CNTN6: variants seen among roughly 807,000 people sequenced by gnomAD.
CNTN6 encodes the protein contactin 6.
In CNTN6, 137 loss-of-function variants were observed where a neutral mutation model predicts 122.8. The ratio of observed to expected loss-of-function variants is 1.12; its 90% CI spans 0.97 to 1.29. The LOEUF is 1.29. Among genes scored for constraint, CNTN6 ranks in the 50% most tolerant of loss-of-function variants. CNTN6 has a pLI of 0.00. For synonymous variants in CNTN6, 570 were observed against 426.0 expected (o/e 1.34, Z -4.16); for missense variants, 1,634 against 1,223.4 (o/e 1.34, Z -5.01).
intron 2 of CNTN6, among the ~76,000 whole-genome samples, chr3:1,156,305 G>T (rs11925137): frequency 0.16 from 24,165 of 152,040 alleles, 2,953 homozygotes; most frequent in African/African-American, 0.32. Flanking sequence ...ATTTTCTCCT[G>T]AAACCTTGAT....
At chr3:1,380,662 A>AATGTCTCAGTCTGCTTT (rs1691726833) in intron 17 of CNTN6, among the ~76,000 whole-genome samples, 1 of 152,146 alleles carries the variant, frequency 6.6e-6, no homozygotes, top group Non-Finnish European at 1.5e-5. Flanking sequence ...CCTCTTTTCT[A>AATGTCTCAGTCTGCTTT]ATGTCTCAGT....
chr3:1,321,541 AGATT>A, intron 7 of CNTN6, 105 bp from the exon 8 acceptor site: 1 of 966,642 alleles, frequency 1.0e-6, no homozygotes, highest in Non-Finnish European at 1.6e-6. Context: ...ATAATACAAC[AGATT>A]GATAGAATAT....
chr3:1,228,276 G>C (rs184847865), intron 4 of CNTN6, among the ~76,000 whole-genome samples: 1 of 152,094 alleles, frequency 6.6e-6, no homozygotes, highest in Non-Finnish European at 1.5e-5. Flanking sequence ...TTAAGATAAA[G>C]ATGTATGATA....
At chr3:1,387,994 C>A (rs540951544) in intron 20 of CNTN6, among the ~76,000 whole-genome samples, 1 of 152,134 alleles carries the variant, frequency 6.6e-6, no homozygotes, top group Non-Finnish European at 1.5e-5. Context: ...GAGGGGCGCC[C>A]GCCATTGGCC....
At chr3:1,116,470 TA>T (rs1179621687) in intron 1 of CNTN6, among the ~76,000 whole-genome samples, 2 of 152,056 alleles carry the variant, frequency 1.3e-5, no homozygotes, top group Admixed American at 6.6e-5. Context: ...AACTCTTAAA[TA>T]AAAAAGCAAA....
chr3:1,149,409 A>AATC (rs2092791865), intron 2 of CNTN6, among the ~76,000 whole-genome samples: 1 of 152,112 alleles, frequency 6.6e-6, no homozygotes, highest in Non-Finnish European at 1.5e-5. Context: ...GAATAAACAT[A>AATC]ATTTAAAAGG....
chr3:1,278,253 T>C (rs1372531062), intron 4 of CNTN6, among the ~76,000 whole-genome samples, 160 bp from the exon 5 acceptor site: 7 of 152,232 alleles, frequency 4.6e-5, no homozygotes, highest in Non-Finnish European at 7.3e-5. Context: ...TTTTGCAAGA[T>C]AATAATAAGT....
chr3:1,250,911 GCCATTTCCAGATGATCCCT>G (rs143554437), intron 4 of CNTN6, among the ~76,000 whole-genome samples: 42,190 of 151,766 alleles, frequency 0.28, 6,462 homozygotes, highest in East Asian at 0.58. Flanking sequence ...TCTCCTCCGT[GCCATTTCCAGATGATCCCT>G]CCTCCCTCAT....
rs80130558 is a variant in CNTN6 at position 1,188,066 on chromosome 3, C to T, written c.56-32621C>T. The stretch of plus-strand genomic sequence containing the variant: ...TCTATTTAAATGCCATTTATTCACA[C>T]CCCCTGCAAATACATACATGCAAAA... On this transcript the variant is annotated intron_variant, in intron 2 of 22. Transcript: ENST00000446702. Among the ~76,000 whole-genome samples, 684 of 152,284 alleles carry T rather than the reference C, an allele frequency of 4.5e-3. 3 individuals are homozygous for T. Among genetic ancestry groups the T allele is most frequent in the African/African-American group, 0.016 (658 of 41,568 alleles).
At position 1,121,343 on chromosome 3, in the gene CNTN6, A is replaced by G. The variant is rs868294087; in HGVS notation, c.-82-26584A>G. ...GAAATTGAATCTCTTATTTATAAAAAAGCACAGAAACATCAGTATTCCATA... is the reference window on the plus strand; with the variant it reads ...GAAATTGAATCTCTTATTTATAAAAGAGCACAGAAACATCAGTATTCCATA... On this transcript the variant is annotated intron_variant, in intron 1 of 22. Transcript: ENST00000446702. 1.1e-4 allele frequency among the ~76,000 whole-genome samples: 17 copies of G among 152,062 alleles called. No individual in the cohort carries two copies. In the South Asian group the frequency reaches 3.1e-3, roughly 28 times the overall value.
At chr3:1,388,438 T>C (rs1177831540) in intron 20 of CNTN6, among the ~76,000 whole-genome samples, 121 of 151,038 alleles carry the variant, frequency 8.0e-4, no homozygotes, top group Middle Eastern at 6.8e-3. Flanking sequence ...AGACCAAAAG[T>C]AGATAAAAAC....
At chr3:1,232,770 C>G (rs1218786929) in intron 4 of CNTN6, among the ~76,000 whole-genome samples, 1 of 152,110 alleles carries the variant, frequency 6.6e-6, no homozygotes, top group Non-Finnish European at 1.5e-5. Flanking sequence ...GAGTGGAGCT[C>G]AAAGTGAGAA....
At chr3:1,242,499 G>C (rs916202008) in intron 4 of CNTN6, among the ~76,000 whole-genome samples, 1 of 152,210 alleles carries the variant, frequency 6.6e-6, no homozygotes, top group African/African-American at 2.4e-5. Context: ...TGCTGTAGCA[G>C]GCAAGTGATA....
intron 5 of CNTN6, among the ~76,000 whole-genome samples, chr3:1,281,047 C>G (rs1264994740): frequency 1.3e-5 from 2 of 152,106 alleles, no homozygotes; most frequent in Non-Finnish European, 2.9e-5. Flanking sequence ...ACAGATCATG[C>G]CCACAAAAGC....
intron 4 of CNTN6, among the ~76,000 whole-genome samples, chr3:1,231,214 T>A (rs755608256): frequency 7.9e-5 from 12 of 152,162 alleles, no homozygotes; most frequent in Non-Finnish European, 7.4e-5. Flanking sequence ...ACATTTAATA[T>A]GAGATTGCCG....
Position 1,093,044 on chromosome 3 carries a change from G to C in CNTN6, c.-159G>C, listed in dbSNP as rs1028992184. The C allele has an allele frequency of 3.0e-6, 1 of 330,100 alleles. No individual in the cohort carries two copies. The highest frequency in any genetic ancestry group is 6.0e-6 in the Non-Finnish European group (1 of 166,216). The allele number at this position is 330,100 out of a possible 1,614,324, so 20.4% of individuals were successfully genotyped here. ...ATTCCATACGGCTTGGTTCTGCCTG[G>C]ACGCACAGCATGCCTGGCTGAGAGC... On this transcript the variant is annotated 5_prime_UTR_variant, in exon 1 of 23. Coordinates refer to ENST00000446702, the MANE Select transcript of CNTN6 (RefSeq NM_001289080.2).
At chr3:1,132,932 A>G (rs1468553109) in intron 1 of CNTN6, among the ~76,000 whole-genome samples, 1 of 152,148 alleles carries the variant, frequency 6.6e-6, no homozygotes, top group Non-Finnish European at 1.5e-5. Context: ...CAAAATTATT[A>G]TTGCTTCTGA....
At chr3:1,208,155 A>G (rs2093983401) in intron 2 of CNTN6, among the ~76,000 whole-genome samples, 1 of 152,216 alleles carries the variant, frequency 6.6e-6, no homozygotes, top group Middle Eastern at 3.4e-3. Flanking sequence ...CCCGTGAGTC[A>G]TGGATCTAAA....
intron 12 of CNTN6, among the ~76,000 whole-genome samples, chr3:1,364,718 A>G (rs1466387578): frequency 2.0e-5 from 3 of 151,914 alleles, no homozygotes; most frequent in Non-Finnish European, 4.4e-5. Flanking sequence ...TTTTGATGTA[A>G]TTAGTCTTCA....
Sources: allele counts gnomAD v4.1 joint callset (sites outside exome capture counted in the v4.1 genomes callset), GRCh38; gene constraint gnomAD v4.1.1; transcripts MANE v1.5; gene names NCBI Gene and HGNC (gene_info 2026-07-23, HGNC 2026-07-21).